The following C2orf76 variants were observed in gnomAD, a reference collection of about 807,000 sequenced individuals.
C2orf76 encodes the protein UPF0538 protein C2orf76.
In C2orf76, 23 loss-of-function variants were observed where a neutral mutation model predicts 16.9. The ratio of observed to expected loss-of-function variants is 1.36; its 90% CI spans 0.98 to 1.93. C2orf76 has a LOEUF of 1.93. C2orf76 is among the 30% of genes most tolerant of loss of function. The pLI is 0.00. For synonymous variants in C2orf76, 48 were observed against 52.3 expected, an observed-to-expected ratio of 0.92 and a Z score of 0.35; for missense variants, 152 against 152.6, an observed-to-expected ratio of 1.00 and a Z score of 0.02.
At chr2:119,322,326 C>T (rs1459487182) in intron 2 of C2orf76, among the ~76,000 whole-genome samples, 2 of 141,752 alleles carry the variant, frequency 1.4e-5, no homozygotes, top group African/African-American at 6.3e-5. Context: ...CCTGCATCAA[C>T]CCCCCAAGTA....
the C2orf76 span, among the ~76,000 whole-genome samples, chr2:119,287,304 C>G: frequency 5.9e-5 from 9 of 152,288 alleles, no homozygotes; most frequent in Admixed American, 2.0e-4. Flanking sequence ...TGAAATATGG[C>G]TTTTGTCACA....
intron 5 of C2orf76, among the ~76,000 whole-genome samples, chr2:119,307,529 C>T (rs1678830514): frequency 6.6e-6 from 1 of 152,110 alleles, no homozygotes; most frequent in South Asian, 2.1e-4. Context: ...ACCCTCATCT[C>T]CTTCCCCAGG....
intron 1 of C2orf76, among the ~76,000 whole-genome samples, chr2:119,341,786 T>C (rs944508477): frequency 1.3e-5 from 2 of 152,140 alleles, no homozygotes; most frequent in African/African-American, 4.8e-5. Flanking sequence ...ATATCACTAG[T>C]AGTCAGGGAA....
At chr2:119,309,295 ATG>A (rs967119337) in intron 5 of C2orf76, among the ~76,000 whole-genome samples, 6 of 148,998 alleles carry the variant, frequency 4.0e-5, no homozygotes, top group African/African-American at 1.2e-4. Context: ...GCTATTTTTT[ATG>A]TGTGAGTTAT....
chr2:119,351,442 A>G (rs1224348190), intron 1 of C2orf76, among the ~76,000 whole-genome samples: 1 of 152,186 alleles, frequency 6.6e-6, no homozygotes, highest in Admixed American at 6.5e-5. Context: ...TGTTTACAAT[A>G]TAAGAGCTGA....
chr2:119,291,473 A>C, the C2orf76 span, among the ~76,000 whole-genome samples: 4 of 151,888 alleles, frequency 2.6e-5, no homozygotes, highest in East Asian at 7.7e-4. Context: ...AATTGGGGAA[A>C]ATTGCAACCA....
At chr2:119,343,640 T>C (rs1439239122) in intron 1 of C2orf76, among the ~76,000 whole-genome samples, 8 of 152,140 alleles carry the variant, frequency 5.3e-5, no homozygotes, top group Admixed American at 5.2e-4. Context: ...CTTAAAAAGC[T>C]GTTCCATGTT....
At chr2:119,310,113 T>C (rs13425238) in intron 5 of C2orf76, among the ~76,000 whole-genome samples, 2,600 of 152,320 alleles carry the variant, frequency 0.017, 72 homozygotes, top group African/African-American at 0.058. Context: ...CTGTGAAATA[T>C]TACCCTTTTT....
At position 119,347,367 on chromosome 2, in the gene C2orf76, C is replaced by T. The variant is rs115589572; in HGVS notation, c.-12-7396G>A. Among the ~76,000 whole-genome samples the T allele has an allele frequency of 5.5e-4, 84 of 152,230 alleles. 1 individual carries two copies. The highest frequency in any genetic ancestry group is 1.5e-3 in the African/African-American group (61 of 41,530). On this transcript the variant is annotated intron_variant, in intron 1 of 5. Coordinates refer to ENST00000334816, the MANE Select transcript of C2orf76 (RefSeq NM_001322331.2). ...AGAGACTTAAAAGAGCTAATCTCAA[C>T]GGATGCAACATTTAGTCTTTGTATG...
chr2:119,290,456 A>G, the C2orf76 span, among the ~76,000 whole-genome samples: 5 of 152,108 alleles, frequency 3.3e-5, no homozygotes, highest in African/African-American at 1.2e-4. Flanking sequence ...TATAAAAGAA[A>G]AAGAAGGAAA....
At chr2:119,298,001 G>T (rs1288236683), downstream of C2orf76, among the ~76,000 whole-genome samples, 1 of 151,936 alleles carries the variant, frequency 6.6e-6, no homozygotes, top group Non-Finnish European at 1.5e-5. Context: ...ATGAGACAGG[G>T]TCTCACTATG....
At chr2:119,314,775 T>C (rs1239052876) in intron 4 of C2orf76, among the ~76,000 whole-genome samples, 22 of 152,232 alleles carry the variant, frequency 1.4e-4, no homozygotes. Flanking sequence ...ATTAAATATG[T>C]AAATTAAGAG....
chr2:119,321,029 C>A (rs1679324517), intron 3 of C2orf76, 125 bp downstream of exon 3: 3 of 493,444 alleles, frequency 6.1e-6, no homozygotes, highest in Non-Finnish European at 7.0e-6. Context: ...TCCTGTATTT[C>A]TAAATAAACT....
chr2:119,290,745 G>C, the C2orf76 span, among the ~76,000 whole-genome samples: 2 of 152,052 alleles, frequency 1.3e-5, no homozygotes, highest in East Asian at 1.9e-4. Context: ...CAGGAGACTC[G>C]CTTGAACCTG....
At chr2:119,327,426 T>C (rs1203053762) in intron 2 of C2orf76, among the ~76,000 whole-genome samples, 2 of 151,048 alleles carry the variant, frequency 1.3e-5, no homozygotes, top group African/African-American at 4.9e-5. Flanking sequence ...TTTGGATGTT[T>C]TGTCCCCTCC....
At chr2:119,292,330 G>T in the C2orf76 span, among the ~76,000 whole-genome samples, 1 of 152,122 alleles carries the variant, frequency 6.6e-6, no homozygotes, top group African/African-American at 2.4e-5. Context: ...CTTGCCTATT[G>T]TGACTAACCA....
chr2:119,367,064 C>G (rs1408938500), upstream of C2orf76: 2 of 1,613,934 alleles, frequency 1.2e-6, no homozygotes, highest in African/African-American at 2.7e-5. Flanking sequence ...GTCTCAGGTA[C>G]AGCGCGTGCA....
intron 2 of C2orf76, among the ~76,000 whole-genome samples, chr2:119,335,796 G>A (rs72829497): frequency 0.019 from 2,855 of 152,236 alleles, 37 homozygotes; most frequent in South Asian, 0.054. Flanking sequence ...AAATCACTCT[G>A]TGCCTCTGTG....
chr2:119,352,943 A>T (rs980915343), intron 1 of C2orf76, among the ~76,000 whole-genome samples: 1 of 152,174 alleles, frequency 6.6e-6, no homozygotes, highest in African/African-American at 2.4e-5. Context: ...CTTTTAAAAC[A>T]AATAAATCAA....
Sources: allele counts gnomAD v4.1 joint callset (sites outside exome capture counted in the v4.1 genomes callset), GRCh38; gene constraint gnomAD v4.1.1; transcripts MANE v1.5; gene names NCBI Gene and HGNC (gene_info 2026-07-23, HGNC 2026-07-21).